Variants in ASB7 observed in about 807,000 individuals in gnomAD.
The protein encoded by ASB7 is ankyrin repeat and SOCS box containing 7, also known as ankyrin repeat and SOCS box protein 7.
Under a neutral mutation model 32.5 loss-of-function variants are expected in ASB7, and 4 were observed. The ratio of observed to expected loss-of-function variants is 0.12; its 90% CI spans 0.06 to 0.28. The LOEUF is 0.28. Ranked by LOEUF, ASB7 falls within the 10% of genes least tolerant of loss-of-function variation. The pLI, the probability that ASB7 is intolerant of heterozygous loss-of-function variation, is 1.00. For missense variants in ASB7, 181 were observed against 407.1 expected, an observed-to-expected ratio of 0.44 and a Z score of 4.78; for synonymous variants, 172 against 155.6, an observed-to-expected ratio of 1.11 and a Z score of -0.78.
At chr15:100,646,266 C>T (rs1303493478) in intron 5 of ASB7, 2 of 395,564 alleles carry the variant, frequency 5.1e-6, no homozygotes, top group Non-Finnish European at 1.0e-5. Context: ...TCAATGTTGA[C>T]TTTCCTTCCA....
At chr15:100,648,253 T>C in intron 5 of ASB7, 70 bp from the exon 6 acceptor site, 1 of 1,453,176 alleles carries the variant, frequency 6.9e-7, no homozygotes, top group Non-Finnish European at 9.2e-7. Context: ...AAATGAACAG[T>C]TCTTTTCAAA....
rs1489637574 is a variant in ASB7, at chr15:100,651,457, GCA to G, written c.*2999_*3000del. 6.6e-6 allele frequency: 1 copy of G among 152,124 alleles called. No homozygotes were observed. Among genetic ancestry groups the G allele is most frequent in the Non-Finnish European group, 1.5e-5 (1 of 68,020 alleles). 9.4% of individuals were successfully genotyped at this position (152,124 alleles called of 1,614,324 possible). A position where few individuals can be genotyped will look rare whatever the true frequency, so the allele number is the denominator to read the frequency against. On this transcript the variant is annotated 3_prime_UTR_variant, in exon 6 of 6. Transcript: ENST00000332783. ...GGGACTCTAGCATGACTCGTCAGAT[GCA>G]CACCCCAAGAGACAAGAATGTGTAG...
chr15:100,635,428 G>C (rs551818582), intron 5 of ASB7, among the ~76,000 whole-genome samples: 7 of 152,020 alleles, frequency 4.6e-5, no homozygotes, highest in Non-Finnish European at 8.8e-5. Flanking sequence ...AGACATGGTG[G>C]GTAACAGAAA....
Position 100,651,616 on chromosome 15 carries a change from A to G in ASB7, c.*3154A>G, listed in dbSNP as rs2040033093. The G allele has an allele frequency of 6.6e-6, 1 of 152,212 alleles. No individual in the cohort carries two copies. The highest frequency in any genetic ancestry group is 1.5e-5 in the Non-Finnish European group (1 of 68,046). The allele number at this position is 152,212 out of a possible 1,614,324, so 9.4% of individuals were successfully genotyped here. A position where few individuals can be genotyped will look rare whatever the true frequency, so the allele number is the denominator to read the frequency against. On this transcript the variant is annotated 3_prime_UTR_variant, in exon 6 of 6. Transcript: ENST00000332783. ...GCTTTCATGTAACTCCTAGTGTGTTATATCATAATGTATTTTGTTCTTCCT... is the reference window on the plus strand; with the variant it reads ...GCTTTCATGTAACTCCTAGTGTGTTGTATCATAATGTATTTTGTTCTTCCT...
chr15:100,613,947 A>G (rs1437638522), intron 4 of ASB7, among the ~76,000 whole-genome samples: 1 of 152,138 alleles, frequency 6.6e-6, no homozygotes, highest in Non-Finnish European at 1.5e-5. Flanking sequence ...CTTCTGGAGT[A>G]TTTCCTGACA....
Position 100,612,244 on chromosome 15 carries a change from C to G in ASB7, c.28C>G (p.Pro10Ala). Residue 10 changes from proline (P) to alanine (A), a missense_variant, in exon 4 of 6, where the codon CCT (proline) becomes GCT (alanine). By Grantham distance (27) the Pro-to-Ala change is conservative (BLOSUM62 -1). Transcript: ENST00000332783. The stretch of plus-strand genomic sequence containing the variant: ...GTTACACCATCATTGTCGAAGGAAC[C>G]CTGAGCTCCAGGAAGAGTTGCAGAT... MLHHHCRRN[P>A]ELQEELQIQA... 2 of 1,613,990 alleles carry G rather than the reference C, an allele frequency of 1.2e-6. No homozygotes were observed. The highest frequency in any genetic ancestry group is 1.7e-6 in the Non-Finnish European group (2 of 1,179,934).
At chr15:100,640,904 A>T (rs1479627612) in intron 5 of ASB7, among the ~76,000 whole-genome samples, 1 of 152,226 alleles carries the variant, frequency 6.6e-6, no homozygotes, top group Non-Finnish European at 1.5e-5. Flanking sequence ...GGGCTTCTTT[A>T]TAAAATGGAA....
At chr15:100,638,408 C>T (rs1017407122) in intron 5 of ASB7, 1 of 152,148 alleles carries the variant, frequency 6.6e-6, no homozygotes, top group Non-Finnish European at 1.5e-5. Flanking sequence ...GATCAGATCC[C>T]TCGTTCTCCT....
rs1443870020 is a variant in ASB7 at position 100,650,496 on chromosome 15, T to A, written c.*2034T>A. 6.6e-6 allele frequency: 1 copy of A among 152,214 alleles called. No individual in the cohort carries two copies. The highest frequency in any genetic ancestry group is 2.4e-5 in the African/African-American group (1 of 41,458). 9.4% of individuals were successfully genotyped at this position (152,214 alleles called of 1,614,324 possible). The stretch of plus-strand genomic sequence containing the variant: ...GTTTCTGCACTCTCATCAGTGATGT[T>A]CATGTTACACTTGCACAAGGGCTGA... On this transcript the variant is annotated 3_prime_UTR_variant, in exon 6 of 6. Transcript: ENST00000332783.
intron 4 of ASB7, among the ~76,000 whole-genome samples, chr15:100,617,933 A>T (rs1210513229): frequency 1.3e-5 from 2 of 152,004 alleles, no homozygotes; most frequent in African/African-American, 4.8e-5. Context: ...TTATGGTGGG[A>T]TTATAAAGTT....
Position 100,640,926 on chromosome 15 carries a change from C to A in ASB7, c.818-7397C>A, listed in dbSNP as rs118058255. Among the ~76,000 whole-genome samples the A allele has an allele frequency of 5.8e-3, 882 of 152,246 alleles. 6 individuals carry two copies. The highest frequency in any genetic ancestry group is 7.5e-3 in the Non-Finnish European group (513 of 68,004). On this transcript the variant is annotated intron_variant, in intron 5 of 5. Coordinates refer to ENST00000332783, the MANE Select transcript of ASB7 (RefSeq NM_198243.3). ...TTTATAAAATGGAAAGACTAATAACCCTTTGAACTATTATGTAATTCCATT... is the reference window on the plus strand; with the variant it reads ...TTTATAAAATGGAAAGACTAATAACACTTTGAACTATTATGTAATTCCATT...
chr15:100,634,342 G>A (rs924397129), intron 5 of ASB7, among the ~76,000 whole-genome samples: 7 of 152,212 alleles, frequency 4.6e-5, no homozygotes, highest in African/African-American at 1.7e-4. Flanking sequence ...TAAAAGTGAG[G>A]CTTTAATGAT....
At chr15:100,606,900 A>G (rs2039649690) in intron 2 of ASB7, among the ~76,000 whole-genome samples, 1 of 152,160 alleles carries the variant, frequency 6.6e-6, no homozygotes, top group Non-Finnish European at 1.5e-5. Flanking sequence ...CACACCTGTA[A>G]TCCTAGCACT....
intron 3 of ASB7, 91 bp downstream of exon 3, chr15:100,609,919 C>G (rs2039680641): frequency 6.6e-6 from 1 of 152,170 alleles, no homozygotes; most frequent in Admixed American, 6.5e-5. Flanking sequence ...TTAATGTATA[C>G]TAAATACACC....
intron 5 of ASB7, among the ~76,000 whole-genome samples, chr15:100,633,010 C>T (rs1323619039): frequency 6.6e-6 from 1 of 151,868 alleles, no homozygotes; most frequent in Non-Finnish European, 1.5e-5. Context: ...ACCTCAGAAC[C>T]TCCCCCTTCC....
At position 100,649,627 on chromosome 15, in the gene ASB7, A is replaced by C. The variant is rs535867963; in HGVS notation, c.*1165A>C. On this transcript the variant is annotated 3_prime_UTR_variant, in exon 6 of 6. Transcript: ENST00000332783. ...AACATTTCCCATTTTAAGGTTATATACAGTGAGGCTCTTCAGGACAATTAT... is the reference window on the plus strand; with the variant it reads ...AACATTTCCCATTTTAAGGTTATATCCAGTGAGGCTCTTCAGGACAATTAT... 3 of 152,246 alleles carry C rather than the reference A, an allele frequency of 2.0e-5. No homozygotes were observed. The highest frequency in any genetic ancestry group is 2.9e-5 in the Non-Finnish European group (2 of 68,038). 9.4% of individuals were successfully genotyped at this position (152,246 alleles called of 1,614,324 possible).
intron 5 of ASB7, among the ~76,000 whole-genome samples, chr15:100,642,096 A>T (rs965879333): frequency 3.9e-5 from 6 of 152,224 alleles, no homozygotes; most frequent in African/African-American, 4.8e-5. Context: ...TTCTCCCAAC[A>T]ACACACATTT....
At position 100,612,297 on chromosome 15, in the gene ASB7, C is replaced by T. The variant is rs1444047419; in HGVS notation, c.81C>T (p.Val27=). Residue 27 remains valine (V), a synonymous_variant, in exon 4 of 6, where the codon GTC becomes GTT. Coordinates refer to ENST00000332783, the MANE Select transcript of ASB7 (RefSeq NM_198243.3). ...QIQAAVAAGD[V]HTVRKMLEQG... Reference sequence around the variant, plus strand: ...AGGCCGCGGTGGCTGCTGGGGATGTCCACACAGTGCGAAAGATGCTAGAAC... The same window carrying T: ...AGGCCGCGGTGGCTGCTGGGGATGTTCACACAGTGCGAAAGATGCTAGAAC... 6.2e-7 allele frequency: 1 copy of T among 1,614,036 alleles called. No homozygotes were observed. The highest frequency in any genetic ancestry group is 1.3e-5 in the African/African-American group (1 of 75,012).
At chr15:100,638,654 T>C (rs2039941264) in intron 5 of ASB7, among the ~76,000 whole-genome samples, 3 of 152,228 alleles carry the variant, frequency 2.0e-5, no homozygotes, top group African/African-American at 7.2e-5. Context: ...ACAACTTACT[T>C]TCACGGCTTA....
Sources: gnomAD v4.1 joint callset for allele counts (sites outside exome capture counted in the v4.1 genomes callset) on GRCh38, gnomAD v4.1.1 for gene constraint, MANE v1.5 for transcripts, NCBI Gene and HGNC (gene_info 2026-07-23, HGNC 2026-07-21) for gene names.